Variants in FSTL4 observed in about 807,000 individuals in gnomAD.
FSTL4 encodes the protein follistatin like 4.
In FSTL4, 28 loss-of-function variants were observed where a neutral mutation model predicts 78.2. The ratio of observed to expected loss-of-function variants is 0.36; its 90% CI spans 0.27 to 0.49. The LOEUF is 0.49. FSTL4 is among the 20% of genes least tolerant of loss of function. The pLI is 0.98. For missense variants in FSTL4, 922 were observed against 1,084.9 expected, an observed-to-expected ratio of 0.85 and a Z score of 2.11; for synonymous variants, 422 against 440.5, an observed-to-expected ratio of 0.96 and a Z score of 0.53.
chr5:133,814,184 T>G, the FSTL4 span, among the ~76,000 whole-genome samples: 1 of 152,188 alleles, frequency 6.6e-6, no homozygotes, highest in Non-Finnish European at 1.5e-5. Flanking sequence ...GAAATTTAAC[T>G]GAATTTGATG....
At chr5:133,721,973 C>T in the FSTL4 span, among the ~76,000 whole-genome samples, 1 of 152,028 alleles carries the variant, frequency 6.6e-6, no homozygotes, top group African/African-American at 2.4e-5. Context: ...GTTTTTCATT[C>T]TTTTTTCTTC....
At chr5:133,475,436 C>A (rs1757909811) in intron 3 of FSTL4, among the ~76,000 whole-genome samples, 1 of 152,200 alleles carries the variant, frequency 6.6e-6, no homozygotes, top group African/African-American at 2.4e-5. Context: ...CCGTGCCTCC[C>A]CCTCCCCTGC....
At chr5:133,642,995 T>C in the FSTL4 span, among the ~76,000 whole-genome samples, 1 of 152,220 alleles carries the variant, frequency 6.6e-6, no homozygotes, top group Non-Finnish European at 1.5e-5. Flanking sequence ...TCTCTGAGAC[T>C]GCAGTAACCT....
At chr5:133,666,604 C>T in the FSTL4 span, among the ~76,000 whole-genome samples, 1 of 151,722 alleles carries the variant, frequency 6.6e-6, no homozygotes, top group Non-Finnish European at 1.5e-5. Flanking sequence ...AGTCTGTTTC[C>T]AGAACCCTGG....
At chr5:133,444,704 G>T (rs1211356681) in intron 3 of FSTL4, among the ~76,000 whole-genome samples, 1 of 152,192 alleles carries the variant, frequency 6.6e-6, no homozygotes, top group Non-Finnish European at 1.5e-5. Context: ...AGGGGCTTCT[G>T]CAGGGAGCTG....
At chr5:133,802,624 G>A in the FSTL4 span, among the ~76,000 whole-genome samples, 81 of 101,746 alleles carry the variant, frequency 8.0e-4, no homozygotes, top group Admixed American at 2.5e-3. Flanking sequence ...GGCCTCACAC[G>A]GCATTTGTTC....
chr5:133,459,337 C>G (rs1473530875), intron 3 of FSTL4, among the ~76,000 whole-genome samples: 2 of 151,764 alleles, frequency 1.3e-5, no homozygotes, highest in African/African-American at 4.8e-5. Context: ...AGAGGGAAGC[C>G]CCCATCAGCC....
intron 4 of FSTL4, among the ~76,000 whole-genome samples, chr5:133,319,681 T>C (rs1415910092): frequency 6.6e-6 from 1 of 152,142 alleles, no homozygotes; most frequent in Non-Finnish European, 1.5e-5. Flanking sequence ...GCACCGTACA[T>C]CATGCTGTTC....
chr5:133,206,265 A>T (rs1243272587), intron 14 of FSTL4, among the ~76,000 whole-genome samples: 1 of 152,112 alleles, frequency 6.6e-6, no homozygotes, highest in Non-Finnish European at 1.5e-5. Flanking sequence ...TTCTCTTTTC[A>T]TAAGTCAGTC....
At chr5:133,827,926 G>A in the FSTL4 span, among the ~76,000 whole-genome samples, 1 of 152,118 alleles carries the variant, frequency 6.6e-6, no homozygotes, top group East Asian at 1.9e-4. Flanking sequence ...AGCTATCCCA[G>A]CCCCCTGGGC....
chr5:133,225,221 A>G lies in FSTL4; in HGVS notation c.1241T>C (p.Ile414Thr), dbSNP rs1421902249. The G allele has an allele frequency of 1.2e-6, 2 of 1,613,908 alleles. No individual in the cohort carries two copies. Among genetic ancestry groups the G allele is most frequent in the East Asian group, 2.2e-5 (1 of 44,890 alleles). The change falls in exon 10 of 16, where the codon ATT (isoleucine) becomes ACT (threonine). Residue 414 changes from isoleucine (I) to threonine (T), a missense_variant. Coordinates refer to ENST00000265342, the MANE Select transcript of FSTL4 (RefSeq NM_015082.2). This position sits in a 1 kb window ranked among gnomAD's most constrained non-coding sequence, Gnocchi z 4.6. ...RYEDTGAYTCIAKNEVGVDED... is the reference protein window; with the variant it reads ...RYEDTGAYTCTAKNEVGVDED... ...ATCCACACCCACTTCATTTTTGGCAATGCAGGTGTATGCCCCTGTGTCTTC... is the reference window on the plus strand; with the variant it reads ...ATCCACACCCACTTCATTTTTGGCAGTGCAGGTGTATGCCCCTGTGTCTTC...
intron 3 of FSTL4, among the ~76,000 whole-genome samples, chr5:133,481,363 A>G (rs1202316206): frequency 5.3e-5 from 8 of 152,026 alleles, no homozygotes; most frequent in Non-Finnish European, 1.2e-4. Flanking sequence ...CAACATGGCA[A>G]AACACCTATC....
chr5:133,465,066 C>T (rs1460361000), intron 3 of FSTL4, among the ~76,000 whole-genome samples: 1 of 152,184 alleles, frequency 6.6e-6, no homozygotes, highest in Non-Finnish European at 1.5e-5. Context: ...CTCTCTCTCT[C>T]TCCTCATTTG....
the FSTL4 span, among the ~76,000 whole-genome samples, chr5:133,713,041 A>G: frequency 6.6e-6 from 1 of 152,214 alleles, no homozygotes; most frequent in Admixed American, 6.5e-5. Context: ...ATATTTTGAA[A>G]AAGAAATATA....
rs143326882 is a variant in FSTL4, at chr5:133,400,480, G to C, written c.409+258C>G. 4.2e-3 allele frequency among the ~76,000 whole-genome samples: 636 copies of C among 152,316 alleles called. 2 individuals are homozygous for C. The highest frequency in any genetic ancestry group is 0.015 in the African/African-American group (606 of 41,578). ...CTGTTGCCTGGTCCCTAGTGAACCT[G>C]TACCAGCCAGGTTTTAATTTGACCT... On this transcript the variant is annotated intron_variant, in intron 4 of 15. Coordinates refer to ENST00000265342, the MANE Select transcript of FSTL4 (RefSeq NM_015082.2).
At chr5:133,525,092 G>A (rs147083755) in intron 3 of FSTL4, among the ~76,000 whole-genome samples, 19 of 152,266 alleles carry the variant, frequency 1.2e-4, no homozygotes, top group African/African-American at 4.6e-4. Flanking sequence ...CCGCTGTTCT[G>A]GCAAAACAGG....
At chr5:133,346,156 A>G (rs1754694156) in intron 4 of FSTL4, among the ~76,000 whole-genome samples, 1 of 151,930 alleles carries the variant, frequency 6.6e-6, no homozygotes, top group African/African-American at 2.4e-5. Context: ...AAAACCAAAC[A>G]CCACATGTTC....
chr5:133,571,943 A>G (rs1322484082), intron 2 of FSTL4, among the ~76,000 whole-genome samples: 2 of 152,220 alleles, frequency 1.3e-5, no homozygotes, highest in Admixed American at 1.3e-4. Context: ...TTAAATTTTC[A>G]GAGTGAAAAT....
intron 2 of FSTL4, among the ~76,000 whole-genome samples, chr5:133,589,193 A>G (rs1227900398): frequency 2.7e-5 from 2 of 72,842 alleles, no homozygotes; most frequent in South Asian, 5.9e-4. Context: ...GCTAGATGAC[A>G]CGTTAGTGGG....
Sources: gnomAD v4.1 joint callset for allele counts (sites outside exome capture counted in the v4.1 genomes callset) on GRCh38, gnomAD v4.1.1 for gene constraint, Gnocchi (gnomAD v3.1) non-coding constraint, MANE v1.5 for transcripts, NCBI Gene and HGNC (gene_info 2026-07-23, HGNC 2026-07-21) for gene names.